The following ZNF782 variants were observed in gnomAD, a reference collection of about 807,000 sequenced individuals.
ZNF782 encodes zinc finger protein 782.
Under a neutral mutation model 13.0 loss-of-function variants are expected in ZNF782, and 12 were observed. That is an observed-to-expected ratio of 0.92 (90% CI 0.59 to 1.50). The LOEUF is 1.50. Among genes scored for constraint, ZNF782 ranks in the 40% most tolerant of loss-of-function variants. The pLI, the probability that ZNF782 is intolerant of heterozygous loss-of-function variation, is 0.00. For missense variants in ZNF782, 770 were observed against 822.9 expected, an observed-to-expected ratio of 0.94 and a Z score of 0.79; for synonymous variants, 284 against 283.0, an observed-to-expected ratio of 1.00 and a Z score of -0.04.
At chr9:96,884,717 T>G in the ZNF782 span, among the ~76,000 whole-genome samples, 1 of 152,120 alleles carries the variant, frequency 6.6e-6, no homozygotes, top group African/African-American at 2.4e-5. Flanking sequence ...TCTGCAACAA[T>G]GCAGTGTGAG....
chr9:96,858,777 A>T (rs995660707), upstream of ZNF782, among the ~76,000 whole-genome samples: 11 of 152,198 alleles, frequency 7.2e-5, no homozygotes, highest in Non-Finnish European at 1.2e-4. This position sits in a 1 kb window ranked among gnomAD's most constrained non-coding sequence, Gnocchi z 4.4. Context: ...ACAGAAGTGG[A>T]GCCTGATGGC....
At chr9:96,886,149 A>G in the ZNF782 span, among the ~76,000 whole-genome samples, 4 of 152,106 alleles carry the variant, frequency 2.6e-5, no homozygotes, top group African/African-American at 9.6e-5. Context: ...CACCTGGCCC[A>G]ACATTTTCAA....
At chr9:96,824,665 C>T (rs1256360523) in intron 5 of ZNF782, among the ~76,000 whole-genome samples, 1 of 130,748 alleles carries the variant, frequency 7.6e-6, no homozygotes, top group Non-Finnish European at 1.6e-5. Flanking sequence ...CCCATTGTCT[C>T]AGCCCAAAAT....
At chr9:96,871,892 G>A (rs969115572) in intron 1 of ZNF782, among the ~76,000 whole-genome samples, 1 of 152,016 alleles carries the variant, frequency 6.6e-6, no homozygotes, top group African/African-American at 2.4e-5. Flanking sequence ...TTCTTTGCAG[G>A]GCTTTCATCT....
chr9:96,925,569 A>T, the ZNF782 span, among the ~76,000 whole-genome samples: 1 of 143,178 alleles, frequency 7.0e-6, no homozygotes, highest in African/African-American at 2.6e-5. Context: ...CAGGAGGCGG[A>T]GGCTGCAGTG....
At chr9:96,868,520 C>T (rs1410254679) in intron 1 of ZNF782, among the ~76,000 whole-genome samples, 1 of 152,216 alleles carries the variant, frequency 6.6e-6, no homozygotes, top group East Asian at 1.9e-4. Flanking sequence ...CCCTTGAATC[C>T]TTTCATGTTT....
chr9:96,931,998 A>G, the ZNF782 span: 39 of 1,610,428 alleles, frequency 2.4e-5, no homozygotes, highest in Non-Finnish European at 3.3e-5. Context: ...CCTCAGGCAC[A>G]GACCTTGATC....
the ZNF782 span, chr9:96,891,362 A>C: frequency 6.6e-6 from 1 of 152,200 alleles, no homozygotes; most frequent in African/African-American, 2.4e-5. Context: ...TAGCATGCGT[A>C]TATTTGTTCA....
intron 1 of ZNF782, among the ~76,000 whole-genome samples, chr9:96,853,380 G>C (rs918508757): frequency 6.6e-6 from 1 of 152,078 alleles, no homozygotes; most frequent in Non-Finnish European, 1.5e-5. Context: ...TCTGAAGCTC[G>C]GGAGGGAGGC....
chr9:96,882,915 TTC>T, the ZNF782 span, among the ~76,000 whole-genome samples: 2 of 149,986 alleles, frequency 1.3e-5, no homozygotes, highest in East Asian at 3.9e-4. Flanking sequence ...AAAACGAGAA[TTC>T]TCTCTTTGAT....
the ZNF782 span, among the ~76,000 whole-genome samples, chr9:96,931,148 A>G: frequency 6.6e-6 from 1 of 152,100 alleles, no homozygotes; most frequent in Non-Finnish European, 1.5e-5. Flanking sequence ...TGGGCCTCCC[A>G]AAGTGCTGGG....
chr9:96,916,426 T>C, the ZNF782 span, among the ~76,000 whole-genome samples: 1 of 151,870 alleles, frequency 6.6e-6, no homozygotes, highest in African/African-American at 2.4e-5. Context: ...GAAGGCGGAT[T>C]TGCAGTGAGC....
chr9:96,923,841 A>AT, the ZNF782 span, among the ~76,000 whole-genome samples: 3 of 143,274 alleles, frequency 2.1e-5, no homozygotes, highest in Admixed American at 2.0e-4. Flanking sequence ...GACCTTCTTT[A>AT]CTTTTCCTTT....
the ZNF782 span, chr9:96,893,872 C>A: frequency 7.0e-6 from 1 of 143,526 alleles, no homozygotes; most frequent in African/African-American, 3.0e-5. Context: ...CGGTGGCGGG[C>A]GCCTGTAGTC....
chr9:96,883,501 G>A, the ZNF782 span, among the ~76,000 whole-genome samples: 12,100 of 151,994 alleles, frequency 0.08, 1,469 homozygotes, highest in African/African-American at 0.27. Context: ...GACAACAAAG[G>A]TGACAGAGAG....
At chr9:96,866,703 GC>G (rs146073120) in intron 1 of ZNF782, among the ~76,000 whole-genome samples, 3,983 of 152,308 alleles carry the variant, frequency 0.026, 166 homozygotes, top group African/African-American at 0.09. Context: ...CTCAATGCCA[GC>G]CCATGAAGGC....
At chr9:96,897,281 A>T in the ZNF782 span, among the ~76,000 whole-genome samples, 1 of 152,198 alleles carries the variant, frequency 6.6e-6, no homozygotes, top group African/African-American at 2.4e-5. Flanking sequence ...CACCCTGTCC[A>T]GGTGACTCCT....
intron 2 of ZNF782, among the ~76,000 whole-genome samples, chr9:96,861,301 G>A (rs1043351448): frequency 4.6e-5 from 7 of 152,152 alleles, no homozygotes; most frequent in African/African-American, 1.7e-4. Flanking sequence ...AAAGTGAAGA[G>A]ACAACCCACA....
At chr9:96,849,069 A>G (rs901609303) in intron 3 of ZNF782, among the ~76,000 whole-genome samples, 1 of 152,204 alleles carries the variant, frequency 6.6e-6, no homozygotes, top group African/African-American at 2.4e-5. Context: ...ACAAAAACAC[A>G]AACGGGGGAA....
Sources: allele counts gnomAD v4.1 joint callset (sites outside exome capture counted in the v4.1 genomes callset), GRCh38; gene constraint gnomAD v4.1.1; non-coding constraint Gnocchi (gnomAD v3.1); transcripts MANE v1.5; gene names NCBI Gene and HGNC (gene_info 2026-07-23, HGNC 2026-07-21).